The following ATP2C1 variants were observed in gnomAD, a reference collection of about 807,000 sequenced individuals.
ATP2C1 encodes calcium-transporting ATPase type 2C member 1.
Under a neutral mutation model 120.5 loss-of-function variants are expected in ATP2C1, and 31 were observed. That is an observed-to-expected ratio of 0.26 (90% CI 0.19 to 0.35). The LOEUF is 0.35. Among genes scored for constraint, ATP2C1 ranks in the 10% least tolerant of loss-of-function variants. The pLI is 1.00. For synonymous variants in ATP2C1, 351 were observed against 358.7 expected, an observed-to-expected ratio of 0.98 and a Z score of 0.24; for missense variants, 731 against 1,107.5, an observed-to-expected ratio of 0.66 and a Z score of 4.83.
intron 1 of ATP2C1, among the ~76,000 whole-genome samples, chr3:130,863,137 A>G (rs765947810): frequency 2.0e-5 from 3 of 152,280 alleles, no homozygotes; most frequent in Admixed American, 1.3e-4. Flanking sequence ...TCCATGCCAT[A>G]TAGCGCTTCA....
intron 4 of ATP2C1, among the ~76,000 whole-genome samples, chr3:130,933,023 C>G (rs1489867912): frequency 6.6e-6 from 1 of 152,152 alleles, no homozygotes; most frequent in Non-Finnish European, 1.5e-5. Flanking sequence ...ATACTTACCA[C>G]ATTCCCACAT....
At chr3:130,888,689 G>T (rs1460262834) in intron 1 of ATP2C1, among the ~76,000 whole-genome samples, 6 of 152,166 alleles carry the variant, frequency 3.9e-5, no homozygotes, top group Admixed American at 2.0e-4. Context: ...TGTGTAGCAG[G>T]GCTGCTGCTA....
Position 131,015,124 on chromosome 3 carries a change from C to G in ATP2C1, c.2630-1028C>G, listed in dbSNP as rs984326364. The stretch of plus-strand genomic sequence containing the variant: ...CCAATTAGTCTTATTTGTGTTAGCT[C>G]AGATATAAGGCCCAGAGATATATTA... On this transcript the variant is annotated intron_variant, in intron 26 of 26. Transcript: ENST00000328560. 5 of 643,142 alleles carry G rather than the reference C, an allele frequency of 7.8e-6. No homozygotes were observed. The Admixed American group carries it at 1.0e-4, about 13-fold the overall frequency. 39.8% of individuals were successfully genotyped at this position (643,142 alleles called of 1,614,324 possible).
At chr3:131,005,130 T>TTA (rs2063056193), downstream of ATP2C1, among the ~76,000 whole-genome samples, 1 of 149,586 alleles carries the variant, frequency 6.7e-6, no homozygotes, top group African/African-American at 2.5e-5. Flanking sequence ...TTTTTTTTTT[T>TTA]TTTGAGGCAG....
chr3:131,008,225 GCCAGGAGTTCGAGA>G (rs2063189023), intron 26 of ATP2C1, among the ~76,000 whole-genome samples: 1 of 152,094 alleles, frequency 6.6e-6, no homozygotes, highest in Non-Finnish European at 1.5e-5. Context: ...GTTGCTTGAG[GCCAGGAGTTCGAGA>G]CCAGTCTGGC....
At chr3:130,976,944 A>G (rs2061550272) in intron 18 of ATP2C1, among the ~76,000 whole-genome samples, 1 of 152,196 alleles carries the variant, frequency 6.6e-6, no homozygotes. Context: ...CCTTCTGAAC[A>G]GTTGGCAGAC....
At position 130,993,015 on chromosome 3, in the gene ATP2C1, A is replaced by C. The variant is rs368854209; in HGVS notation, c.1890+14A>C. 9.9e-6 allele frequency: 16 copies of C among 1,608,268 alleles called. No homozygotes were observed. The highest frequency in any genetic ancestry group is 9.4e-5 in the African/African-American group (7 of 74,798). ...AAAATTATTAAGGTGAGTGTGTAAG[A>C]ATCAGATTGTTTTATTTCTGTATAC... On this transcript the variant is annotated intron_variant, in intron 21 of 27. Transcript: ENST00000510168.
chr3:130,999,490 A>G lies in ATP2C1; in HGVS notation c.2488-28A>G, dbSNP rs371897978. 14 of 1,612,522 alleles carry G rather than the reference A, an allele frequency of 8.7e-6. No homozygotes were observed. The African/African-American group carries it at 1.6e-4, about 18-fold the overall frequency. Reference sequence around the variant, plus strand: ...AAGTTATTTCTGTGACCAAGGAGTAATAAATGAACTCTCTGCTCTGCCAAC... The same window carrying G: ...AAGTTATTTCTGTGACCAAGGAGTAGTAAATGAACTCTCTGCTCTGCCAAC... On this transcript the variant is annotated intron_variant, in intron 26 of 27. Coordinates refer to ENST00000510168, the MANE Select transcript of ATP2C1 (RefSeq NM_001378687.1).
At chr3:130,951,362 C>A (rs986598693) in intron 8 of ATP2C1, among the ~76,000 whole-genome samples, 15 of 152,048 alleles carry the variant, frequency 9.9e-5, no homozygotes, top group African/African-American at 3.6e-4. Context: ...CCTTTCAGTG[C>A]CTGTAAAACA....
At chr3:130,938,091 G>A (rs1344711582) in intron 6 of ATP2C1, among the ~76,000 whole-genome samples, 1 of 152,154 alleles carries the variant, frequency 6.6e-6, no homozygotes, top group African/African-American at 2.4e-5. Flanking sequence ...CACAAAAGGG[G>A]TGTTGTGATC....
chr3:131,005,575 G>A (rs2063077017), downstream of ATP2C1, among the ~76,000 whole-genome samples: 1 of 152,228 alleles, frequency 6.6e-6, no homozygotes, highest in South Asian at 2.1e-4. Context: ...CATCTGAAAT[G>A]TACAGCTTGT....
At chr3:130,855,738 G>C (rs572658167) in intron 1 of ATP2C1, 2 of 152,336 alleles carry the variant, frequency 1.3e-5, no homozygotes, top group African/African-American at 4.8e-5. Context: ...GGGTCAACTT[G>C]TCAACTTGTC....
intron 11 of ATP2C1, among the ~76,000 whole-genome samples, chr3:130,957,244 C>T (rs2060621477): frequency 6.6e-6 from 1 of 152,078 alleles, no homozygotes; most frequent in Non-Finnish European, 1.5e-5. Flanking sequence ...TTGTTCTGTT[C>T]CTAAAGATTT....
At chr3:130,931,481 C>T (rs2059444975) in intron 3 of ATP2C1, among the ~76,000 whole-genome samples, 1 of 151,818 alleles carries the variant, frequency 6.6e-6, no homozygotes, top group Non-Finnish European at 1.5e-5. Flanking sequence ...TTTGATAGGC[C>T]CAGAGAACAA....
At chr3:130,998,103 A>G (rs1040022060) in intron 25 of ATP2C1, among the ~76,000 whole-genome samples, 191 bp from the exon 26 acceptor site, 1 of 150,956 alleles carries the variant, frequency 6.6e-6, no homozygotes, top group Non-Finnish European at 1.5e-5. Context: ...TTTTTTTTTT[A>G]CTTTTTATTA....
In ATP2C1 at chr3:130,932,157, C is replaced by A; in HGVS notation, c.234+19C>A. On this transcript the variant is annotated intron_variant, in intron 4 of 27. Coordinates refer to ENST00000510168, the MANE Select transcript of ATP2C1 (RefSeq NM_001378687.1). The stretch of plus-strand genomic sequence containing the variant: ...TTCTCAGGTGAGATACTTTTACTTC[C>A]TCTTCTACTGTGTAATTTATTAATA... 7.2e-7 allele frequency: 1 copy of A among 1,385,212 alleles called. No individual in the cohort carries two copies. The highest frequency in any genetic ancestry group is 1.0e-6 in the Non-Finnish European group (1 of 971,604). 85.8% of individuals were successfully genotyped at this position (1,385,212 alleles called of 1,614,324 possible).
At chr3:131,000,668 G>A (rs894933280) in intron 27 of ATP2C1, among the ~76,000 whole-genome samples, 4 of 152,190 alleles carry the variant, frequency 2.6e-5, no homozygotes, top group African/African-American at 7.2e-5. Flanking sequence ...AGTGGTCAGA[G>A]GACTTGGGTT....
chr3:130,936,609 G>C (rs2059679801), intron 5 of ATP2C1, among the ~76,000 whole-genome samples: 3 of 151,794 alleles, frequency 2.0e-5, no homozygotes, highest in South Asian at 4.2e-4. Flanking sequence ...TCAGGAGATT[G>C]AGACCATCCT....
chr3:130,987,198 G>A (rs887565103), intron 20 of ATP2C1, among the ~76,000 whole-genome samples: 2 of 151,782 alleles, frequency 1.3e-5, no homozygotes, highest in African/African-American at 4.8e-5. Flanking sequence ...GTCTCACCAC[G>A]TGTTGCCCAG....
Sources: allele counts gnomAD v4.1 joint callset (sites outside exome capture counted in the v4.1 genomes callset), GRCh38; gene constraint gnomAD v4.1.1; transcripts MANE v1.5; gene names NCBI Gene and HGNC (gene_info 2026-07-23, HGNC 2026-07-21).